Variants in CRIM1 observed in about 807,000 individuals in gnomAD.
CRIM1 encodes the protein cysteine rich transmembrane BMP regulator 1.
Under a neutral mutation model 116.4 loss-of-function variants are expected in CRIM1, and 32 were observed. The observed-to-expected ratio is 0.27, with a 90% CI of 0.21 to 0.37. CRIM1 has a LOEUF of 0.37. Among genes scored for constraint, CRIM1 ranks in the 10% least tolerant of loss-of-function variants. CRIM1 has a pLI of 1.00. For synonymous variants in CRIM1, 590 were observed against 509.2 expected, an observed-to-expected ratio of 1.16 and a Z score of -2.13; for missense variants, 1,331 against 1,354.8, an observed-to-expected ratio of 0.98 and a Z score of 0.28.
At chr2:36,370,591 A>T (rs1169467114) in intron 1 of CRIM1, among the ~76,000 whole-genome samples, 2 of 152,190 alleles carry the variant, frequency 1.3e-5, no homozygotes, top group Non-Finnish European at 2.9e-5. Context: ...AATTACAGCT[A>T]TGTTTGGCAC....
At chr2:36,359,258 T>C (rs1488241502) in intron 1 of CRIM1, among the ~76,000 whole-genome samples, 2 of 152,222 alleles carry the variant, frequency 1.3e-5, no homozygotes, top group East Asian at 3.8e-4. Flanking sequence ...TGAAAACTTA[T>C]TTAATTGGCT....
At chr2:36,444,765 C>G (rs1676113587) in intron 4 of CRIM1, among the ~76,000 whole-genome samples, 1 of 152,208 alleles carries the variant, frequency 6.6e-6, no homozygotes, top group Non-Finnish European at 1.5e-5. Flanking sequence ...AGGGTCTCCT[C>G]CTCCAGCTCT....
chr2:36,396,098 C>G (rs557026450), intron 1 of CRIM1, among the ~76,000 whole-genome samples: 1 of 152,144 alleles, frequency 6.6e-6, no homozygotes, highest in African/African-American at 2.4e-5. Flanking sequence ...TTTGTAGAGA[C>G]TGGGTCTCAC....
intron 7 of CRIM1, among the ~76,000 whole-genome samples, chr2:36,487,200 C>T (rs1299569477): frequency 1.3e-5 from 2 of 152,074 alleles, no homozygotes; most frequent in Non-Finnish European, 2.9e-5. Context: ...GCCTCAGTTC[C>T]AAGGAATTCA....
intron 7 of CRIM1, among the ~76,000 whole-genome samples, chr2:36,481,990 C>T (rs374620697): frequency 3.7e-4 from 57 of 152,328 alleles, no homozygotes; most frequent in African/African-American, 1.3e-3. Flanking sequence ...CTACTGTCTC[C>T]TCGCAGTTTG....
intron 2 of CRIM1, among the ~76,000 whole-genome samples, chr2:36,400,101 G>A (rs559730636): frequency 6.6e-6 from 1 of 152,208 alleles, no homozygotes; most frequent in African/African-American, 2.4e-5. Flanking sequence ...GGGAGTCATG[G>A]GGATTGATGA....
intron 1 of CRIM1, among the ~76,000 whole-genome samples, chr2:36,395,081 C>G (rs1671922868): frequency 7.3e-6 from 1 of 137,578 alleles, no homozygotes; most frequent in African/African-American, 2.8e-5. Context: ...GTGGCATGAT[C>G]TTGGCTGACG....
At chr2:36,548,487 T>A in intron 16 of CRIM1, 38 bp from the exon 17 acceptor site, 16 of 1,485,600 alleles carry the variant, frequency 1.1e-5, no homozygotes, top group Non-Finnish European at 1.4e-5. Context: ...GTAAAGCAAC[T>A]AATTTTTTGT....
At chr2:36,473,422 T>C (rs1678698795) in intron 5 of CRIM1, among the ~76,000 whole-genome samples, 1 of 152,152 alleles carries the variant, frequency 6.6e-6, no homozygotes, top group Non-Finnish European at 1.5e-5. Flanking sequence ...TTGTTTTCAG[T>C]GTATGCTCAG....
intron 7 of CRIM1, among the ~76,000 whole-genome samples, chr2:36,492,908 C>T (rs567337876): frequency 2.0e-5 from 3 of 152,240 alleles, no homozygotes; most frequent in African/African-American, 7.2e-5. Context: ...TGAAGTAAGT[C>T]TGAAAAGAAA....
chr2:36,453,218 T>A (rs966657903), intron 4 of CRIM1, among the ~76,000 whole-genome samples: 2 of 152,260 alleles, frequency 1.3e-5, no homozygotes, highest in African/African-American at 4.8e-5. Context: ...TAATTGCTAA[T>A]TAGAACCCAG....
chr2:36,398,058 A>G (rs1469006513), intron 2 of CRIM1, among the ~76,000 whole-genome samples: 1 of 152,178 alleles, frequency 6.6e-6, no homozygotes, highest in Non-Finnish European at 1.5e-5. Context: ...GCCTGCCACA[A>G]AAGGGTATTT....
intron 4 of CRIM1, among the ~76,000 whole-genome samples, chr2:36,447,356 A>G (rs1046757234): frequency 2.0e-5 from 3 of 152,184 alleles, no homozygotes; most frequent in Admixed American, 6.5e-5. Flanking sequence ...TCTCACCAAC[A>G]CATTTCTATC....
intron 10 of CRIM1, 135 bp downstream of exon 10, chr2:36,512,529 C>T (rs953400298): frequency 1.5e-5 from 13 of 879,196 alleles, no homozygotes; most frequent in East Asian, 5.1e-5. Context: ...TCTGTGGGAC[C>T]GTCCCACAGG....
intron 7 of CRIM1, among the ~76,000 whole-genome samples, chr2:36,484,514 A>G (rs1679674105): frequency 2.0e-5 from 3 of 152,272 alleles, no homozygotes; most frequent in South Asian, 4.1e-4. Context: ...TGATTACTCA[A>G]TAAGAAAAAT....
chr2:36,527,457 C>G (rs1419178986), intron 13 of CRIM1, among the ~76,000 whole-genome samples: 1 of 152,066 alleles, frequency 6.6e-6, no homozygotes, highest in Non-Finnish European at 1.5e-5. Context: ...GCTGGCTTAG[C>G]TTGTGTTGTG....
At chr2:36,500,272 C>G (rs1680895313) in intron 8 of CRIM1, among the ~76,000 whole-genome samples, 1 of 152,164 alleles carries the variant, frequency 6.6e-6, no homozygotes, top group South Asian at 2.1e-4. Flanking sequence ...GCAAAGGTCA[C>G]AGTGAGCTGA....
At chr2:36,441,212 C>T (rs748063745) in intron 2 of CRIM1, 46 bp from the exon 3 acceptor site, 2 of 1,609,716 alleles carry the variant, frequency 1.2e-6, no homozygotes, top group South Asian at 2.2e-5. Context: ...TTGAAAGTGC[C>T]CCACACTGCC....
intron 2 of CRIM1, among the ~76,000 whole-genome samples, chr2:36,405,219 C>G (rs1672696049): frequency 1.3e-5 from 2 of 152,122 alleles, no homozygotes; most frequent in African/African-American, 4.8e-5. Flanking sequence ...AGAAAACACC[C>G]AAGTAAATGT....
Sources: allele counts gnomAD v4.1 joint callset (sites outside exome capture counted in the v4.1 genomes callset), GRCh38; gene constraint gnomAD v4.1.1; transcripts MANE v1.5; gene names NCBI Gene and HGNC (gene_info 2026-07-23, HGNC 2026-07-21).